Variants in VWA8 observed in about 807,000 individuals in gnomAD.
The protein encoded by VWA8 is von Willebrand factor A domain-containing protein 8.
A neutral mutation model predicts 241.5 loss-of-function variants in VWA8; 221 were observed. That is an observed-to-expected ratio of 0.91 (90% CI 0.82 to 1.02). The LOEUF (loss-of-function observed/expected upper bound fraction) is 1.02, where lower values mean the gene tolerates loss of function less well. Among genes scored for constraint, VWA8 ranks in the 50% least tolerant of loss-of-function variants. The pLI, the probability that VWA8 is intolerant of heterozygous loss-of-function variation, is 0.00. For synonymous variants in VWA8, 852 were observed against 827.1 expected (o/e 1.03, Z -0.52); for missense variants, 2,322 against 2,328.7 (o/e 1.00, Z 0.06).
intron 21 of VWA8, among the ~76,000 whole-genome samples, chr13:41,734,667 G>C (rs2045511701): frequency 1.3e-5 from 2 of 152,142 alleles, no homozygotes; most frequent in African/African-American, 4.8e-5. Context: ...CTGGGATTCT[G>C]ACCTATTGCT....
At chr13:41,580,271 T>C (rs1212415876) in intron 42 of VWA8, among the ~76,000 whole-genome samples, 1 of 152,230 alleles carries the variant, frequency 6.6e-6, no homozygotes. Context: ...GAATCAATTC[T>C]GAATTCTTGT....
At chr13:41,830,943 TCAAGATAACCA>T (rs2138000983) in intron 13 of VWA8, among the ~76,000 whole-genome samples, 1 of 152,150 alleles carries the variant, frequency 6.6e-6, no homozygotes, top group African/African-American at 2.4e-5. Context: ...AATGAGTATC[TCAAGATAACCA>T]CAAGGTACAT....
chr13:41,929,200 G>C (rs1161480053), intron 2 of VWA8, among the ~76,000 whole-genome samples: 1 of 143,116 alleles, frequency 7.0e-6, no homozygotes, highest in Non-Finnish European at 1.5e-5. Flanking sequence ...CTGTCACTCA[G>C]GCTGGAGTGC....
At chr13:41,646,909 G>A (rs2044835976) in intron 37 of VWA8, among the ~76,000 whole-genome samples, 1 of 152,192 alleles carries the variant, frequency 6.6e-6, no homozygotes, top group African/African-American at 2.4e-5. Context: ...GTCTGAAAAT[G>A]TCACTTACTG....
intron 8 of VWA8, among the ~76,000 whole-genome samples, chr13:41,885,292 T>A (rs1448025820): frequency 6.6e-6 from 1 of 152,240 alleles, no homozygotes; most frequent in Non-Finnish European, 1.5e-5. Flanking sequence ...GCCTGTGCTT[T>A]GACTTCCTGG....
chr13:41,764,708 CAAG>C (rs1227265073), intron 20 of VWA8, among the ~76,000 whole-genome samples: 1 of 151,856 alleles, frequency 6.6e-6, no homozygotes, highest in African/African-American at 2.4e-5. Context: ...GACAGGTATG[CAAG>C]AAGTCAGAAG....
intron 12 of VWA8, among the ~76,000 whole-genome samples, chr13:41,835,389 A>G (rs1871677018): frequency 6.6e-6 from 1 of 152,242 alleles, no homozygotes; most frequent in Non-Finnish European, 1.5e-5. Flanking sequence ...ACACATTGTC[A>G]AAATTTGTTC....
At chr13:41,678,658 A>G (rs1040945099) in intron 35 of VWA8, among the ~76,000 whole-genome samples, 4 of 152,250 alleles carry the variant, frequency 2.6e-5, no homozygotes, top group African/African-American at 9.6e-5. Context: ...CTGTGAAAGC[A>G]AAGTAAGCCA....
chr13:41,575,874 C>A lies in VWA8; in HGVS notation c.5272-36G>T, dbSNP rs528969915. 3 of 1,500,970 alleles carry A rather than the reference C, an allele frequency of 2.0e-6. No homozygotes were observed. In the East Asian group the frequency reaches 6.8e-5, roughly 34 times the overall value. The allele number at this position is 1,500,970 out of a possible 1,614,324, so 93.0% of individuals were successfully genotyped here. On this transcript the variant is annotated intron_variant, in intron 42 of 44. Coordinates refer to ENST00000379310, the MANE Select transcript of VWA8 (RefSeq NM_015058.2). Reference sequence around the variant, plus strand: ...GAGAACCAGAAAGTTATAAACTTTTCTCCACAAAAGAACAGTCATTAGATC... The same window carrying A: ...GAGAACCAGAAAGTTATAAACTTTTATCCACAAAAGAACAGTCATTAGATC...
Position 41,719,664 on chromosome 13 carries a change from T to C in VWA8, c.3043A>G (p.Ile1015Val), listed in dbSNP as rs747365711. Residue 1015 changes from isoleucine (I) to valine (V), a missense_variant, in exon 26 of 45, where the codon ATA becomes GTA. Ile to Val is a conservative substitution (Grantham distance 29, BLOSUM62 3). Transcript: ENST00000379310. ...TATTTGTGTAAAGTGTTAATCAATA[T>C]CTCCCTCATGTCATTGTTGTAGGAA... ...FDSYNNDMREILINTLHKYGI... is the reference protein window; with the variant it reads ...FDSYNNDMREVLINTLHKYGI... 1 of 1,613,162 alleles carries C rather than the reference T, an allele frequency of 6.2e-7. No individual in the cohort carries two copies. The highest frequency in any genetic ancestry group is 1.1e-5 in the South Asian group (1 of 91,052).
At chr13:41,585,123 C>T (rs1365590416) in intron 42 of VWA8, among the ~76,000 whole-genome samples, 1 of 151,792 alleles carries the variant, frequency 6.6e-6, no homozygotes, top group Admixed American at 6.6e-5. Context: ...TGCTCATTTC[C>T]TTGATATTGT....
intron 37 of VWA8, among the ~76,000 whole-genome samples, chr13:41,616,497 G>GA (rs535836142): frequency 8.6e-4 from 126 of 146,392 alleles, no homozygotes; most frequent in South Asian, 1.1e-3. Flanking sequence ...AACATTTAGA[G>GA]AAAAAAAAAA....
intron 20 of VWA8, among the ~76,000 whole-genome samples, chr13:41,770,589 G>A (rs1593759959): frequency 6.6e-6 from 1 of 151,946 alleles, no homozygotes; most frequent in African/African-American, 2.4e-5. Flanking sequence ...TCACCTTTTA[G>A]AATAAATAAC....
At chr13:41,937,554 G>A (rs756566126) in intron 2 of VWA8, among the ~76,000 whole-genome samples, 17 of 152,316 alleles carry the variant, frequency 1.1e-4, no homozygotes, top group Middle Eastern at 3.4e-3. Flanking sequence ...TGGGGCAGCT[G>A]TAAATACAGA....
At chr13:41,947,221 T>G (rs145615226) in intron 2 of VWA8, among the ~76,000 whole-genome samples, 1 of 152,338 alleles carries the variant, frequency 6.6e-6, no homozygotes, top group African/African-American at 2.4e-5. Flanking sequence ...CTTTAACACA[T>G]ATCATTGATT....
intron 2 of VWA8, among the ~76,000 whole-genome samples, chr13:41,935,434 C>G (rs1243074129): frequency 6.6e-6 from 1 of 151,940 alleles, no homozygotes; most frequent in Admixed American, 6.6e-5. Context: ...ATTTCTTAAA[C>G]ATAAAGCATG....
At chr13:41,667,857 T>C (rs965697796) in intron 37 of VWA8, among the ~76,000 whole-genome samples, 1 of 152,226 alleles carries the variant, frequency 6.6e-6, no homozygotes, top group Non-Finnish European at 1.5e-5. Context: ...TTTATATTAA[T>C]CCTTTCAGTT....
At chr13:41,598,551 CTAGAG>C (rs1206722046) in intron 40 of VWA8, among the ~76,000 whole-genome samples, 2 of 151,954 alleles carry the variant, frequency 1.3e-5, no homozygotes, top group Non-Finnish European at 2.9e-5. Flanking sequence ...TCTTAATTGA[CTAGAG>C]TATTTATACA....
At chr13:41,663,553 C>T (rs1401919726) in intron 37 of VWA8, among the ~76,000 whole-genome samples, 1 of 152,048 alleles carries the variant, frequency 6.6e-6, no homozygotes, top group African/African-American at 2.4e-5. Flanking sequence ...TATTTACCTC[C>T]ATATTTCTAA....
Sources: allele counts gnomAD v4.1 joint callset (sites outside exome capture counted in the v4.1 genomes callset), GRCh38; gene constraint gnomAD v4.1.1; transcripts MANE v1.5; gene names NCBI Gene and HGNC (gene_info 2026-07-23, HGNC 2026-07-21).